The following GP6 variants were observed in gnomAD, a reference collection of about 807,000 sequenced individuals.
The protein encoded by GP6 is platelet glycoprotein VI.
In GP6, 45 loss-of-function variants were observed where a neutral mutation model predicts 37.3. The ratio of observed to expected loss-of-function variants is 1.21; its 90% CI spans 0.95 to 1.55. The LOEUF (loss-of-function observed/expected upper bound fraction) is 1.55, where lower values mean the gene tolerates loss of function less well. Ranked by LOEUF, GP6 falls within the 40% of genes most tolerant of loss-of-function variation. The pLI is 0.00. For synonymous variants in GP6, 340 were observed against 316.4 expected (o/e 1.07, Z -0.79); for missense variants, 813 against 760.2 (o/e 1.07, Z -0.82).
At chr19:55,029,104 AAGGAAGGG>A (rs2074420060) in intron 3 of GP6, among the ~76,000 whole-genome samples, 1 of 110,220 alleles carries the variant, frequency 9.1e-6, no homozygotes, top group Admixed American at 8.7e-5. Context: ...AAGAAAGAGG[AAGGAAGGG>A]AGGGAGGGAG....
intron 1 of GP6, chr19:55,032,908 A>G (rs111704777): frequency 0.042 from 7,003 of 167,004 alleles, 459 homozygotes; most frequent in East Asian, 0.069. Context: ...CGTGTTAGAC[A>G]CGGTGGGCTC....
chr19:55,037,660 GCT>G lies in GP6; in HGVS notation c.34+541_34+542del, dbSNP rs1156298718. On this transcript the variant is annotated intron_variant, in intron 1 of 7. Coordinates refer to ENST00000310373, the MANE Select transcript of GP6 (RefSeq NM_001083899.2). ...TTTTTTTTTTTTTTTTGAGATGGAG[GCT>G]CTCTCTGTTGCCCAGGCTGGAGTGC... Among the ~76,000 whole-genome samples the G allele has an allele frequency of 8.8e-4, 101 of 114,238 alleles. 2 individuals carry two copies. The highest frequency in any genetic ancestry group is 2.8e-4 in the Non-Finnish European group (16 of 56,360). The allele number at this position is 114,238 out of a possible 152,430, so 74.9% of individuals were successfully genotyped here.
At chr19:55,018,575 T>G in intron 6 of GP6, 77 bp downstream of exon 6, 1 of 883,742 alleles carries the variant, frequency 1.1e-6, no homozygotes, top group Non-Finnish European at 2.0e-6. Context: ...ATTAAAAGCC[T>G]ACAGGCTTAG....
chr19:55,024,861 C>A (rs1014606346), intron 5 of GP6, among the ~76,000 whole-genome samples: 1 of 149,292 alleles, frequency 6.7e-6, no homozygotes, highest in Middle Eastern at 3.4e-3. Flanking sequence ...AAACAGAGTC[C>A]CGGACTCTAC....
chr19:55,033,482 C>T (rs1286405339), intron 1 of GP6, among the ~76,000 whole-genome samples: 1 of 91,156 alleles, frequency 1.1e-5, no homozygotes, highest in Non-Finnish European at 2.3e-5. Flanking sequence ...GTGTTAGACA[C>T]GGTGGGCTCG....
Position 55,014,913 on chromosome 19 carries a change from T to A in GP6, c.1032A>T (p.Glu344Asp). 1 of 1,613,646 alleles carries A rather than the reference T, an allele frequency of 6.2e-7. No homozygotes were observed. Among genetic ancestry groups the A allele is most frequent in the African/African-American group, 1.3e-5 (1 of 75,006 alleles). ...CCCTTGGATACGACCGTGCCTGGGG[T>A]TCAGCGGTCATGAACATAACCCGCG... The change falls in exon 8 of 8, where the codon GAA becomes GAT. Residue 344 changes from glutamate to aspartate, a missense_variant. Physicochemically the swap from Glu to Asp is conservative, Grantham distance 45. Transcript: ENST00000310373.
Position 55,033,414 on chromosome 19 carries a change from C to CGTTCGTGTTGTGTTAGACACGGTGGGCTT in GP6, c.35-877_35-876insAAGCCCACCGTGTCTAACACAACACGAAC, listed in dbSNP as rs2074685317. On this transcript the variant is annotated intron_variant, in intron 1 of 7. Coordinates refer to ENST00000310373, the MANE Select transcript of GP6 (RefSeq NM_001083899.2). Reference sequence around the variant, plus strand: ...CGTGTTGTGTTAGACACGGTGGGCTCGTTCGTGTTAGACGCGGTGGGCTCG... The same window carrying CGTTCGTGTTGTGTTAGACACGGTGGGCTT: ...CGTGTTGTGTTAGACACGGTGGGCTCGTTCGTGTTGTGTTAGACACGGTGGGCTTGTTCGTGTTAGACGCGGTGGGCTCG... 4.3e-5 allele frequency among the ~76,000 whole-genome samples: 6 copies of CGTTCGTGTTGTGTTAGACACGGTGGGCTT among 141,014 alleles called. 1 individual carries two copies. Among genetic ancestry groups the CGTTCGTGTTGTGTTAGACACGGTGGGCTT allele is most frequent in the African/African-American group, 1.6e-4 (6 of 36,592 alleles). 92.5% of individuals were successfully genotyped at this position (141,014 alleles called of 152,430 possible).
At position 55,015,401 on chromosome 19, in the gene GP6, G is replaced by A. The variant is rs45535033; in HGVS notation, c.780-236C>T. ...AGGGCTCTGAGACAACTCCTCCCCAGACACAGATGCTGCCTCGTTATCTGA... is the reference window on the plus strand; with the variant it reads ...AGGGCTCTGAGACAACTCCTCCCCAAACACAGATGCTGCCTCGTTATCTGA... On this transcript the variant is annotated intron_variant, in intron 7 of 7. Coordinates refer to ENST00000310373, the MANE Select transcript of GP6 (RefSeq NM_001083899.2). Among the ~76,000 whole-genome samples, 156 of 152,314 alleles carry A rather than the reference G, an allele frequency of 1.0e-3. 1 individual carries two copies. The Middle Eastern group carries it at 0.014, about 13-fold the overall frequency.
At chr19:55,034,158 G>GTT (rs2146902066) in intron 1 of GP6, among the ~76,000 whole-genome samples, 1 of 147,476 alleles carries the variant, frequency 6.8e-6, no homozygotes, top group South Asian at 2.1e-4. Context: ...GCATGTGTGT[G>GTT]TGTGTGTGTG....
chr19:55,025,726 G>A (rs1263646047), intron 4 of GP6, among the ~76,000 whole-genome samples: 3 of 150,832 alleles, frequency 2.0e-5, no homozygotes, highest in African/African-American at 7.3e-5. Flanking sequence ...GCTTAGCCAG[G>A]CGTGGTGGCT....
chr19:55,027,733 G>A lies in GP6; in HGVS notation c.455C>T (p.Ala152Val), dbSNP rs746018547. The A allele has an allele frequency of 6.8e-6, 11 of 1,613,518 alleles. No individual in the cohort carries two copies. The highest frequency in any genetic ancestry group is 6.7e-5 in the African/African-American group (5 of 74,934). The change falls in exon 4 of 8, where the codon GCG becomes GTG. Residue 152 changes from alanine to valine, a missense_variant. Physicochemically the swap from Ala to Val is moderately conservative, Grantham distance 64. Coordinates refer to ENST00000310373, the MANE Select transcript of GP6 (RefSeq NM_001083899.2). ...CCATCTCTCGGGATTCTTGTAGGGCGCAGGGTCCCCTTCCTTGTACAGAGC... is the reference window on the plus strand; with the variant it reads ...CCATCTCTCGGGATTCTTGTAGGGCACAGGGTCCCCTTCCTTGTACAGAGC...
intron 5 of GP6, among the ~76,000 whole-genome samples, chr19:55,019,104 TTTC>T (rs781600096): frequency 5.7e-3 from 451 of 79,310 alleles, no homozygotes; most frequent in Non-Finnish European, 9.3e-3. Flanking sequence ...CTTTCTTTTT[TTTC>T]TTTTTTTTTT....
intron 4 of GP6, among the ~76,000 whole-genome samples, chr19:55,026,260 T>C (rs1487639212): frequency 2.6e-5 from 4 of 152,216 alleles, no homozygotes; most frequent in Non-Finnish European, 5.9e-5. Context: ...TATGTTCACA[T>C]TGTGGTACAA....
At position 55,034,559 on chromosome 19, in the gene GP6, GA is replaced by G. The variant is rs550665514; in HGVS notation, c.35-2022del. Among the ~76,000 whole-genome samples, 325 of 143,428 alleles carry G rather than the reference GA, an allele frequency of 2.3e-3. 2 individuals are homozygous for G. Among genetic ancestry groups the G allele is most frequent in the Middle Eastern group, 7.1e-3 (2 of 282 alleles). The allele number at this position is 143,428 out of a possible 152,430, so 94.1% of individuals were successfully genotyped here. A position where few individuals can be genotyped will look rare whatever the true frequency, so the allele number is the denominator to read the frequency against. On this transcript the variant is annotated intron_variant, in intron 1 of 7. Coordinates refer to ENST00000310373, the MANE Select transcript of GP6 (RefSeq NM_001083899.2). ...CAACAGAGCAAGACTCCATCTCGAG[GA>G]AAAAAAAAAATGATATTGCCCCATT...
rs202078231 is a variant in GP6, at chr19:55,018,716, G to C, written c.665-5C>G. ...CAGCGGTGGCTTCTGAGAATTCTAA[G>C]AAAGCAAAACAATGTTAGGTCTTCC... On this transcript the variant is annotated splice_polypyrimidine_tract_variant and splice_region_variant and intron_variant, in intron 5 of 7. Coordinates refer to ENST00000310373, the MANE Select transcript of GP6 (RefSeq NM_001083899.2). 6.2e-7 allele frequency: 1 copy of C among 1,602,124 alleles called. No individual in the cohort carries two copies. The highest frequency in any genetic ancestry group is 8.6e-7 in the Non-Finnish European group (1 of 1,169,040).
chr19:55,036,074 A>T (rs1471779266), intron 1 of GP6, among the ~76,000 whole-genome samples: 1 of 85,808 alleles, frequency 1.2e-5, no homozygotes, highest in Non-Finnish European at 2.6e-5. Flanking sequence ...TTCCGTCTTT[A>T]AAAAAAAAAA....
At chr19:55,034,149 CATGTGT>C (rs757793050) in intron 1 of GP6, among the ~76,000 whole-genome samples, 80 of 72,010 alleles carry the variant, frequency 1.1e-3, no homozygotes, top group African/African-American at 3.6e-3. Flanking sequence ...TATATGTATG[CATGTGT>C]GTGTGTGTGT....
At chr19:55,018,212 C>G (rs1024487143) in intron 6 of GP6, among the ~76,000 whole-genome samples, 1 of 152,116 alleles carries the variant, frequency 6.6e-6, no homozygotes, top group South Asian at 2.1e-4. Context: ...CCAGGACAGG[C>G]AAGGGGAAAG....
chr19:55,017,472 G>A (rs150261270), intron 6 of GP6, among the ~76,000 whole-genome samples: 6 of 152,132 alleles, frequency 3.9e-5, no homozygotes, highest in Non-Finnish European at 8.8e-5. Context: ...GGAAACCATC[G>A]ATCCAGCCTG....
Sources: allele counts gnomAD v4.1 joint callset (sites outside exome capture counted in the v4.1 genomes callset), GRCh38; gene constraint gnomAD v4.1.1; transcripts MANE v1.5; gene names NCBI Gene and HGNC (gene_info 2026-07-23, HGNC 2026-07-21).